DCLK2: variants seen among roughly 807,000 people sequenced by gnomAD.
DCLK2 encodes the protein serine/threonine-protein kinase DCLK2.
A neutral mutation model predicts 78.4 loss-of-function variants in DCLK2; 31 were observed. The observed-to-expected ratio is 0.40, with a 90% CI of 0.30 to 0.53. DCLK2 has a LOEUF of 0.53. DCLK2 is among the 20% of genes least tolerant of loss of function. DCLK2 has a pLI of 0.61. For synonymous variants in DCLK2, 407 were observed against 374.9 expected (o/e 1.09, Z -0.99); for missense variants, 872 against 973.7 (o/e 0.90, Z 1.39).
At chr4:150,172,827 C>G (rs1163632623) in intron 2 of DCLK2, among the ~76,000 whole-genome samples, 1 of 149,804 alleles carries the variant, frequency 6.7e-6, no homozygotes, top group Non-Finnish European at 1.5e-5. Flanking sequence ...TTGCTAGATC[C>G]AAGGGTGTTC....
chr4:150,083,788 C>T (rs148955078), intron 1 of DCLK2, among the ~76,000 whole-genome samples: 27 of 152,268 alleles, frequency 1.8e-4, no homozygotes, highest in African/African-American at 5.8e-4. Context: ...ACGTTCTTTA[C>T]CTGTGAAACC....
intron 2 of DCLK2, among the ~76,000 whole-genome samples, chr4:150,111,258 ATATTT>A (rs1731674832): frequency 2.0e-5 from 3 of 151,516 alleles, no homozygotes; most frequent in South Asian, 4.1e-4. Context: ...GCATTTTTTA[ATATTT>A]TTGTTGGCCA....
chr4:150,113,134 G>A (rs1040431675), intron 2 of DCLK2, among the ~76,000 whole-genome samples: 1 of 152,056 alleles, frequency 6.6e-6, no homozygotes, highest in Non-Finnish European at 1.5e-5. Flanking sequence ...TTGATGTGTT[G>A]TTGGATTCAG....
intron 5 of DCLK2, 69 bp downstream of exon 5, chr4:150,203,958 ATTTG>A (rs1275727482): frequency 6.9e-7 from 1 of 1,455,434 alleles, no homozygotes; most frequent in Admixed American, 1.7e-5. Flanking sequence ...TAGCAGTTTA[ATTTG>A]TTTGGGGGCT....
At chr4:150,209,307 C>T (rs1177472927) in intron 5 of DCLK2, among the ~76,000 whole-genome samples, 2 of 152,224 alleles carry the variant, frequency 1.3e-5, no homozygotes, top group Admixed American at 6.5e-5. Context: ...GGCATTTCTG[C>T]AGGCCACACA....
intron 4 of DCLK2, chr4:150,198,910 A>AACCCC (rs751664389): frequency 1.7e-5 from 4 of 239,836 alleles, no homozygotes; most frequent in East Asian, 9.2e-5. Flanking sequence ...CCCTTTCAGC[A>AACCCC]CCCCCCCCCC....
intron 5 of DCLK2, among the ~76,000 whole-genome samples, chr4:150,208,852 GTTTTC>G (rs1227142075): frequency 6.6e-6 from 1 of 152,112 alleles, no homozygotes; most frequent in African/African-American, 2.4e-5. Context: ...AGCGTTTTTG[GTTTTC>G]TTTGGAAGAC....
chr4:150,171,073 T>A (rs1055734725), intron 2 of DCLK2, among the ~76,000 whole-genome samples: 3 of 152,234 alleles, frequency 2.0e-5, no homozygotes, highest in Non-Finnish European at 4.4e-5. Flanking sequence ...TGAATTTGGA[T>A]TAAATGATTT....
intron 8 of DCLK2, among the ~76,000 whole-genome samples, chr4:150,225,493 T>C (rs1741533807): frequency 6.6e-6 from 1 of 152,294 alleles, no homozygotes; most frequent in Middle Eastern, 3.4e-3. Flanking sequence ...ACACATCAAT[T>C]AAGAGAACAA....
At chr4:150,177,335 G>T (rs1737165020) in intron 2 of DCLK2, among the ~76,000 whole-genome samples, 1 of 152,012 alleles carries the variant, frequency 6.6e-6, no homozygotes. Flanking sequence ...TTTTGGTCAA[G>T]AAGCCCTGTA....
At chr4:150,180,782 G>A (rs539786001) in intron 2 of DCLK2, among the ~76,000 whole-genome samples, 5 of 152,200 alleles carry the variant, frequency 3.3e-5, no homozygotes, top group African/African-American at 4.8e-5. Context: ...AAGGTGGGTC[G>A]TAGAAACCAG....
intron 2 of DCLK2, among the ~76,000 whole-genome samples, chr4:150,114,347 C>A (rs1278399848): frequency 6.6e-6 from 1 of 152,034 alleles, no homozygotes; most frequent in African/African-American, 2.4e-5. Flanking sequence ...TGGAGTGTTG[C>A]GTTCTCCCAC....
At chr4:150,098,999 A>T (rs995355704) in intron 1 of DCLK2, among the ~76,000 whole-genome samples, 2 of 151,036 alleles carry the variant, frequency 1.3e-5, no homozygotes, top group African/African-American at 2.4e-5. Context: ...CTGGCCTCTC[A>T]CACTGTTATT....
intron 8 of DCLK2, among the ~76,000 whole-genome samples, chr4:150,230,646 G>A (rs997000221): frequency 1.1e-4 from 16 of 152,186 alleles, no homozygotes; most frequent in Non-Finnish European, 1.9e-4. Context: ...GATATGCTTG[G>A]TGCAGATGAT....
chr4:150,092,646 G>A (rs1315283998), intron 1 of DCLK2, among the ~76,000 whole-genome samples: 2 of 152,046 alleles, frequency 1.3e-5, no homozygotes, highest in Non-Finnish European at 2.9e-5. Context: ...CTGTTTTGGG[G>A]TTTTTGTCCT....
intron 1 of DCLK2, 40 bp downstream of exon 1, chr4:150,079,488 G>A (rs922353603): frequency 3.5e-6 from 5 of 1,440,938 alleles, no homozygotes; most frequent in Non-Finnish European, 4.6e-6. Context: ...GCGGCGGAGC[G>A]CCGGCAGGTG....
At chr4:150,186,114 A>G (rs1737910658) in intron 2 of DCLK2, among the ~76,000 whole-genome samples, 1 of 152,184 alleles carries the variant, frequency 6.6e-6, no homozygotes, top group Non-Finnish European at 1.5e-5. Flanking sequence ...GGAAGAGTTA[A>G]TTCTTCTTTG....
rs185187709 is a variant in DCLK2, at chr4:150,230,949, C to T, written c.1300-1388C>T. Among the ~76,000 whole-genome samples the T allele has an allele frequency of 3.3e-5, 5 of 152,372 alleles. No homozygotes were observed. The East Asian group carries it at 9.6e-4, about 29-fold the overall frequency. The stretch of plus-strand genomic sequence containing the variant: ...CTGTTCATTAAAAGAAGCATAGATT[C>T]TCCTCCTTGCACAAACCCTGGTGTG... On this transcript the variant is annotated intron_variant, in intron 8 of 15. Coordinates refer to ENST00000296550, the MANE Select transcript of DCLK2 (RefSeq NM_001040260.4).
At chr4:150,233,050 T>C (rs989744804) in intron 10 of DCLK2, among the ~76,000 whole-genome samples, 2 of 152,222 alleles carry the variant, frequency 1.3e-5, no homozygotes, top group African/African-American at 4.8e-5. Context: ...CACTCTGCTA[T>C]AAAGAACTAC....
Sources: gnomAD v4.1 joint callset for allele counts (sites outside exome capture counted in the v4.1 genomes callset) on GRCh38, gnomAD v4.1.1 for gene constraint, MANE v1.5 for transcripts, NCBI Gene and HGNC (gene_info 2026-07-23, HGNC 2026-07-21) for gene names.